The following SYCP1 variants were observed in gnomAD, a reference collection of about 807,000 sequenced individuals.
SYCP1 encodes the protein cancer/testis antigen 8.
In SYCP1, 64 loss-of-function variants were observed where a neutral mutation model predicts 153.1. That is an observed-to-expected ratio of 0.42 (90% confidence interval 0.34 to 0.51). The LOEUF (loss-of-function observed/expected upper bound fraction) is 0.51, where lower values mean the gene tolerates loss of function less well. Among genes scored for constraint, SYCP1 ranks in the 20% least tolerant of loss-of-function variants. SYCP1 has a pLI of 0.06. For missense variants in SYCP1, 997 were observed against 1,049.0 expected (o/e 0.95, Z 0.68); for synonymous variants, 384 against 341.8 (o/e 1.12, Z -1.36).
In SYCP1 at chr1:114,981,385, A is replaced by T. The variant is rs761243169; in HGVS notation, c.2432A>T (p.Asp811Val). The T allele has an allele frequency of 6.2e-7, 1 of 1,606,102 alleles. No homozygotes were observed. Among genetic ancestry groups the T allele is most frequent in the Non-Finnish European group, 8.5e-7 (1 of 1,177,346 alleles). ...LETPEIYWKL[D>V]SKAVPSQTVS... ...ACACCTGAAATTTATTGGAAATTGGATTCTAAAGCAGTTCCTTCACAAACT... is the reference window on the plus strand; with the variant it reads ...ACACCTGAAATTTATTGGAAATTGGTTTCTAAAGCAGTTCCTTCACAAACT... The change falls in exon 29 of 32, where the codon GAT becomes GTT. Residue 811 changes from aspartate (D) to valine (V), a missense_variant. By Grantham distance (152) the Asp-to-Val change is radical. Coordinates refer to ENST00000369522, the MANE Select transcript of SYCP1 (RefSeq NM_003176.4).
At chr1:114,936,003 A>T (rs1570805557) in intron 23 of SYCP1, among the ~76,000 whole-genome samples, 1 of 152,200 alleles carries the variant, frequency 6.6e-6, no homozygotes, top group East Asian at 1.9e-4. Context: ...TTCCTTCTGA[A>T]ACTATTCCAA....
intron 23 of SYCP1, among the ~76,000 whole-genome samples, chr1:114,930,042 C>A (rs1291385173): frequency 6.6e-6 from 1 of 151,932 alleles, no homozygotes; most frequent in Non-Finnish European, 1.5e-5. Context: ...TATAAGATAT[C>A]TGGAAAAGCC....
chr1:114,977,591 C>T lies in SYCP1; in HGVS notation c.2357C>T (p.Ala786Val). Residue 786 changes from alanine to valine, a missense_variant, in exon 28 of 32, where the codon GCT (alanine) becomes GTT (valine). By Grantham distance (64) the Ala-to-Val change is moderately conservative. Coordinates refer to ENST00000369522, the MANE Select transcript of SYCP1 (RefSeq NM_003176.4). Reference protein sequence around the residue: ...KLKREAKENTATLKEKKDKKT... With the variant: ...KLKREAKENTVTLKEKKDKKT... ...AAAAGAGAGGCAAAAGAAAACACAG[C>T]TACTCTTAAAGAAAAAAAAGACAAG... is the stretch of plus-strand genomic sequence containing the variant. The T allele has an allele frequency of 6.6e-7, 1 of 1,504,338 alleles. No individual in the cohort carries two copies. The highest frequency in any genetic ancestry group is 1.3e-5 in the South Asian group (1 of 76,066). 93.2% of individuals were successfully genotyped at this position (1,504,338 alleles called of 1,614,324 possible).
At chr1:114,882,922 A>G (rs1570694293) in intron 12 of SYCP1, among the ~76,000 whole-genome samples, 1 of 152,120 alleles carries the variant, frequency 6.6e-6, no homozygotes, top group Admixed American at 6.5e-5. Context: ...TTATTGTACA[A>G]AAGTTTACTT....
intron 23 of SYCP1, 79 bp downstream of exon 23, chr1:114,926,642 A>T (rs1455568088): frequency 1.2e-5 from 15 of 1,243,126 alleles, no homozygotes; most frequent in Non-Finnish European, 1.7e-5. Context: ...ACTTGTTTAT[A>T]CAGTATAAAT....
intron 27 of SYCP1, among the ~76,000 whole-genome samples, chr1:114,958,791 A>G (rs1049150029): frequency 1.3e-5 from 2 of 148,312 alleles, no homozygotes; most frequent in African/African-American, 2.5e-5. Context: ...TTAGCCGGGC[A>G]TGGTGGTGGG....
intron 6 of SYCP1, 64 bp from the exon 7 acceptor site, chr1:114,859,679 T>C (rs2101289906): frequency 2.3e-6 from 2 of 854,276 alleles, no homozygotes; most frequent in African/African-American, 1.8e-5. Context: ...TGCTTAATGA[T>C]TATATTCGTG....
intron 7 of SYCP1, 105 bp downstream of exon 7, chr1:114,859,915 A>C: frequency 5.8e-6 from 2 of 346,024 alleles, no homozygotes; most frequent in Non-Finnish European, 9.3e-6. Flanking sequence ...ACGTTATATC[A>C]TATGAATTTA....
intron 18 of SYCP1, among the ~76,000 whole-genome samples, chr1:114,912,459 T>G (rs1250955639): frequency 6.6e-6 from 1 of 151,976 alleles, no homozygotes; most frequent in African/African-American, 2.4e-5. Flanking sequence ...AAAATTGATA[T>G]TGGATGTAAG....
intron 17 of SYCP1, among the ~76,000 whole-genome samples, chr1:114,911,038 G>A (rs927818580): frequency 1.3e-5 from 2 of 151,836 alleles, no homozygotes; most frequent in Non-Finnish European, 2.9e-5. Context: ...GTATTTTAAA[G>A]TATGTTTCCA....
chr1:114,949,602 A>G (rs1039083037), intron 27 of SYCP1, among the ~76,000 whole-genome samples: 2 of 152,178 alleles, frequency 1.3e-5, no homozygotes, highest in Non-Finnish European at 2.9e-5. Context: ...TGTGAGGCCC[A>G]TGGGGTCTTG....
At chr1:114,969,112 G>A (rs1359868081) in intron 27 of SYCP1, among the ~76,000 whole-genome samples, 12 of 152,160 alleles carry the variant, frequency 7.9e-5, no homozygotes, top group Admixed American at 7.9e-4. Flanking sequence ...TGAGGTGTAT[G>A]TTGGCCCCTG....
chr1:114,925,821 A>G (rs1045608730), intron 21 of SYCP1, among the ~76,000 whole-genome samples: 3 of 152,218 alleles, frequency 2.0e-5, no homozygotes, highest in African/African-American at 7.2e-5. Flanking sequence ...ATGTTGACAT[A>G]TAAGTAACAT....
intron 9 of SYCP1, among the ~76,000 whole-genome samples, chr1:114,874,984 G>T (rs1056119613): frequency 2.6e-5 from 4 of 152,076 alleles, no homozygotes; most frequent in Admixed American, 1.3e-4. Context: ...TCTGATGGTG[G>T]TTCTTTGAAT....
intron 16 of SYCP1, among the ~76,000 whole-genome samples, chr1:114,899,025 G>A (rs188960044): frequency 6.6e-6 from 1 of 152,258 alleles, no homozygotes; most frequent in Non-Finnish European, 1.5e-5. Context: ...TTTTCCCAAG[G>A]GGCTTTTATT....
In SYCP1 at chr1:114,913,194, T is replaced by C. The variant is rs749515664; in HGVS notation, c.1647+44T>C. ...TGCTGGTGACTTAGTTTTCTTCCAA[T>C]TAGCAGGTTAGAATAGATGACCTCT... On this transcript the variant is annotated intron_variant, in intron 19 of 31. Transcript: ENST00000369522. 2.2e-5 allele frequency: 33 copies of C among 1,486,636 alleles called. No homozygotes were observed. In the East Asian group the frequency reaches 7.3e-4, roughly 33 times the overall value. 92.1% of individuals were successfully genotyped at this position (1,486,636 alleles called of 1,614,324 possible). A position where few individuals can be genotyped will look rare whatever the true frequency, so the allele number is the denominator to read the frequency against.
intron 30 of SYCP1, among the ~76,000 whole-genome samples, chr1:114,994,112 T>G: frequency 6.6e-6 from 1 of 151,460 alleles, no homozygotes; most frequent in Non-Finnish European, 1.5e-5. Context: ...TTTTGCTTAT[T>G]TATTCATCCA....
chr1:114,889,040 CT>C (rs1557774133), intron 15 of SYCP1, among the ~76,000 whole-genome samples: 9 of 152,106 alleles, frequency 5.9e-5, no homozygotes, highest in Non-Finnish European at 1.5e-5. Context: ...TGAATTCATT[CT>C]TTTTTATGGC....
intron 8 of SYCP1, among the ~76,000 whole-genome samples, chr1:114,862,050 C>T (rs941425197): frequency 3.9e-5 from 6 of 152,010 alleles, no homozygotes; most frequent in Non-Finnish European, 8.8e-5. Flanking sequence ...ATCCTCCCAC[C>T]TCAGCCTCTC....
Sources: allele counts gnomAD v4.1 joint callset (sites outside exome capture counted in the v4.1 genomes callset), GRCh38; gene constraint gnomAD v4.1.1; transcripts MANE v1.5; gene names NCBI Gene and HGNC (gene_info 2026-07-23, HGNC 2026-07-21).